CTDP1: variants seen among roughly 807,000 people sequenced by gnomAD.
CTDP1 encodes the protein RNA polymerase II subunit A C-terminal domain phosphatase.
In CTDP1, 47 loss-of-function variants were observed where a neutral mutation model predicts 91.8. That is an observed-to-expected ratio of 0.51 (90% confidence interval 0.41 to 0.65). The LOEUF (loss-of-function observed/expected upper bound fraction) is 0.65. Ranked by LOEUF, CTDP1 falls within the 30% of genes least tolerant of loss-of-function variation. The pLI, the probability that CTDP1 is intolerant of heterozygous loss-of-function variation, is 0.00. For synonymous variants in CTDP1, 656 were observed against 598.5 expected (o/e 1.10, Z -1.40); for missense variants, 1,272 against 1,373.7 (o/e 0.93, Z 1.17).
rs971557274 is a variant in CTDP1, at chr18:79,705,938, G to A, written c.772+1021G>A. Among the ~76,000 whole-genome samples the A allele has an allele frequency of 2.0e-5, 3 of 152,222 alleles. 1 individual carries two copies. Among genetic ancestry groups the A allele is most frequent in the Non-Finnish European group, 2.9e-5 (2 of 68,040 alleles). ...TGCCTGAGACAGATGATGTGAAGAC[G>A]AGTAATTATGCACAAGGGTGATATT... On this transcript the variant is annotated intron_variant, in intron 5 of 12. Transcript: ENST00000613122.
intron 5 of CTDP1, among the ~76,000 whole-genome samples, 199 bp from the exon 6 acceptor site, chr18:79,710,147 G>A (rs151325411): frequency 6.6e-6 from 1 of 152,234 alleles, no homozygotes; most frequent in East Asian, 1.9e-4. Context: ...CATGGTTTGT[G>A]TTTGAGAAAT....
In CTDP1 at chr18:79,714,942, C is replaced by T. The variant is rs370120532; in HGVS notation, c.1482C>T (p.Ala494=). ...AGCCGAAGGCTGCCCCAGAGGGAGC[C>T]GGGGCGCTGGCACAGGGCAGTTCCC... The part of the protein sequence containing the change: ...RQKPKAAPEG[A]GALAQGSSLE... Residue 494 remains alanine (A), a synonymous_variant, in exon 8 of 13, where the codon GCC becomes GCT. Transcript: ENST00000613122. 36 of 1,563,162 alleles carry T rather than the reference C, an allele frequency of 2.3e-5. No homozygotes were observed. Among genetic ancestry groups the T allele is most frequent in the Admixed American group, 1.9e-4 (10 of 51,782 alleles).
chr18:79,694,382 C>T (rs56346345), intron 1 of CTDP1, among the ~76,000 whole-genome samples: 3 of 80,764 alleles, frequency 3.7e-5, no homozygotes, highest in Admixed American at 1.5e-4. Flanking sequence ...CACTGAGTGC[C>T]GGGCAGCCTC....
intron 3 of CTDP1, among the ~76,000 whole-genome samples, chr18:79,696,320 G>A (rs1029445723): frequency 6.6e-6 from 1 of 152,308 alleles, no homozygotes; most frequent in Middle Eastern, 3.4e-3. Context: ...CCTGCGTGTC[G>A]GGAACACCAG....
intron 4 of CTDP1, among the ~76,000 whole-genome samples, chr18:79,698,470 C>T (rs1021187499): frequency 1.2e-4 from 18 of 152,182 alleles, no homozygotes; most frequent in African/African-American, 2.2e-4. Context: ...GTACATTCTC[C>T]AGGGGAAACA....
At chr18:79,697,008 C>T (rs1568180601) in intron 3 of CTDP1, among the ~76,000 whole-genome samples, 2 of 152,220 alleles carry the variant, frequency 1.3e-5, no homozygotes, top group Non-Finnish European at 2.9e-5. Context: ...ACACCAATTT[C>T]AGTCTATCTT....
At chr18:79,717,108 G>A (rs2086226894) in intron 8 of CTDP1, among the ~76,000 whole-genome samples, 1 of 151,406 alleles carries the variant, frequency 6.6e-6, no homozygotes, top group East Asian at 2.0e-4. Context: ...GCCGAGTGAG[G>A]GCCCTGAGCC....
intron 12 of CTDP1, 111 bp from the exon 13 acceptor site, chr18:79,753,541 G>T: frequency 6.5e-7 from 1 of 1,536,592 alleles, no homozygotes; most frequent in Non-Finnish European, 8.9e-7. Flanking sequence ...CCAGAGAATT[G>T]TGCCGTCTTG....
intron 12 of CTDP1, 63 bp downstream of exon 12, chr18:79,736,584 G>T (rs1204105519): frequency 1.4e-6 from 2 of 1,430,890 alleles, no homozygotes; most frequent in Admixed American, 5.0e-5. Context: ...CTCTGCAGTT[G>T]GTGGGCCGCC....
At chr18:79,751,783 G>A (rs1026011522) in intron 12 of CTDP1, among the ~76,000 whole-genome samples, 2 of 152,210 alleles carry the variant, frequency 1.3e-5, no homozygotes, top group African/African-American at 2.4e-5. Flanking sequence ...CTGTGTGTGT[G>A]TGTGGCTGTA....
intron 1 of CTDP1, among the ~76,000 whole-genome samples, chr18:79,692,956 G>A (rs970623359): frequency 1.3e-5 from 2 of 152,284 alleles, no homozygotes; most frequent in African/African-American, 2.4e-5. Flanking sequence ...GAAAGGACGT[G>A]GGGCCATTGG....
intron 1 of CTDP1, chr18:79,682,982 AG>A (rs2085405692): frequency 2.0e-5 from 3 of 152,184 alleles, no homozygotes. Context: ...TTCACTTAAA[AG>A]GTTTTTCCTC....
At chr18:79,732,852 G>T (rs1178900768) in intron 11 of CTDP1, among the ~76,000 whole-genome samples, 1 of 151,914 alleles carries the variant, frequency 6.6e-6, no homozygotes, top group Non-Finnish European at 1.5e-5. Context: ...CACCAGGAGC[G>T]CTCCCAAAAT....
chr18:79,686,910 C>A (rs71367524), intron 1 of CTDP1, among the ~76,000 whole-genome samples: 6 of 142,590 alleles, frequency 4.2e-5, no homozygotes, highest in African/African-American at 1.6e-4. Flanking sequence ...ACTGGTGGGC[C>A]TGCACCGCAG....
intron 1 of CTDP1, 58 bp downstream of exon 1, chr18:79,680,319 A>G: frequency 1.6e-6 from 2 of 1,221,898 alleles, no homozygotes; most frequent in South Asian, 3.5e-5. Flanking sequence ...GGGATCCTGG[A>G]GGACCCCCGG....
intron 1 of CTDP1, among the ~76,000 whole-genome samples, chr18:79,684,820 C>T (rs529378857): frequency 6.6e-6 from 1 of 152,356 alleles, no homozygotes; most frequent in Non-Finnish European, 1.5e-5. Context: ...GGGCTTCATC[C>T]TATCTGGCAG....
chr18:79,714,893 G>A lies in CTDP1; in HGVS notation c.1433G>A (p.Ser478Asn), dbSNP rs1327870884. The A allele has an allele frequency of 3.2e-6, 5 of 1,574,922 alleles. No individual in the cohort carries two copies. In the South Asian group the frequency reaches 3.5e-5, roughly 11 times the overall value. Residue 478 changes from serine to asparagine, a missense_variant, in exon 8 of 13, where the codon AGC (serine) becomes AAC (asparagine). Physicochemically the swap from Ser to Asn is conservative, Grantham distance 46. Transcript: ENST00000613122. The part of the protein sequence containing the change: ...KSSSSASDGE[S>N]EGKRGRQKPK... ...TCCTCCTCCGCCTCTGATGGCGAAA[G>A]CGAGGGGAAAAGAGGCCGGCAGAAG...
chr18:79,682,905 C>T (rs1488248380), intron 1 of CTDP1: 1 of 152,224 alleles, frequency 6.6e-6, no homozygotes, highest in East Asian at 1.9e-4. Flanking sequence ...AGTTCTCATC[C>T]CTGCGACGCC....
chr18:79,736,584 G>C, intron 12 of CTDP1, 63 bp downstream of exon 12: 2 of 1,430,890 alleles, frequency 1.4e-6, no homozygotes, highest in Non-Finnish European at 9.3e-7. Flanking sequence ...CTCTGCAGTT[G>C]GTGGGCCGCC....
Sources: gnomAD v4.1 joint callset for allele counts (sites outside exome capture counted in the v4.1 genomes callset) on GRCh38, gnomAD v4.1.1 for gene constraint, MANE v1.5 for transcripts, NCBI Gene and HGNC (gene_info 2026-07-23, HGNC 2026-07-21) for gene names.